GRID2: variants seen among roughly 807,000 people sequenced by gnomAD.
GRID2 encodes the protein glutamate receptor ionotropic, delta-2.
Under a neutral mutation model 114.8 loss-of-function variants are expected in GRID2, and 33 were observed. The ratio of observed to expected loss-of-function variants is 0.29; its 90% CI spans 0.22 to 0.38. The LOEUF (loss-of-function observed/expected upper bound fraction) is 0.38, where lower values mean the gene tolerates loss of function less well. Ranked by LOEUF, GRID2 falls within the 10% of genes least tolerant of loss-of-function variation. GRID2 has a pLI of 1.00. For missense variants in GRID2, 1,184 were observed against 1,257.7 expected, an observed-to-expected ratio of 0.94 and a Z score of 0.89; for synonymous variants, 505 against 449.9, an observed-to-expected ratio of 1.12 and a Z score of -1.55.
intron 14 of GRID2, among the ~76,000 whole-genome samples, chr4:93,633,757 A>T (rs1354276272): frequency 6.6e-6 from 1 of 152,158 alleles, no homozygotes; most frequent in African/African-American, 2.4e-5. Context: ...CCTTCTTTCC[A>T]ACTCCCTGCT....
chr4:92,983,562 ATATAG>A (rs145490507), intron 2 of GRID2, among the ~76,000 whole-genome samples: 3,079 of 152,184 alleles, frequency 0.02, 104 homozygotes, highest in African/African-American at 0.07. Flanking sequence ...TTTTATAAAC[ATATAG>A]TATATGATTA....
In GRID2 at chr4:92,396,560, A is replaced by T. The variant is rs150382475; in HGVS notation, c.88+91816A>T. 2.9e-3 allele frequency among the ~76,000 whole-genome samples: 443 copies of T among 152,096 alleles called. 1 individual carries two copies. Among genetic ancestry groups the T allele is most frequent in the African/African-American group, 0.01 (419 of 41,548 alleles). Reference sequence around the variant, plus strand: ...AGAAGATGTGGCATATACAATGAAGATTATGTCATACCTAGGAGTGAGAGC... The same window carrying T: ...AGAAGATGTGGCATATACAATGAAGTTTATGTCATACCTAGGAGTGAGAGC... On this transcript the variant is annotated intron_variant, in intron 1 of 15. Coordinates refer to ENST00000282020, the MANE Select transcript of GRID2 (RefSeq NM_001510.4).
At chr4:92,351,401 A>T (rs1728064008) in intron 1 of GRID2, among the ~76,000 whole-genome samples, 1 of 151,834 alleles carries the variant, frequency 6.6e-6, no homozygotes, top group African/African-American at 2.4e-5. Context: ...GCACATATTA[A>T]TGGGGTAGAG....
chr4:93,696,814 C>T (rs13132922), intron 14 of GRID2, among the ~76,000 whole-genome samples: 4 of 152,098 alleles, frequency 2.6e-5, no homozygotes, highest in Admixed American at 1.3e-4. Context: ...CCTCTATAAT[C>T]CCAAATTTTG....
intron 1 of GRID2, among the ~76,000 whole-genome samples, chr4:92,444,539 G>A (rs79295435): frequency 1.3e-5 from 2 of 152,134 alleles, no homozygotes; most frequent in African/African-American, 4.8e-5. Context: ...ATCAGTTAAG[G>A]TGGGGCAGGG....
intron 1 of GRID2, among the ~76,000 whole-genome samples, chr4:92,425,782 T>C (rs1490136461): frequency 6.6e-6 from 1 of 152,150 alleles, no homozygotes; most frequent in Admixed American, 6.5e-5. Flanking sequence ...AACTTCTCTG[T>C]ACCTTCATTT....
Position 92,603,122 on chromosome 4 carries a change from T to G in GRID2, c.244+12836T>G, listed in dbSNP as rs551921792. On this transcript the variant is annotated intron_variant, in intron 2 of 15. Coordinates refer to ENST00000282020, the MANE Select transcript of GRID2 (RefSeq NM_001510.4). ...ATCAATATTATGAAAATGGCCATAC[T>G]GCTCAAAGCAATGTATAGATTCAAT... Among the ~76,000 whole-genome samples the G allele has an allele frequency of 6.6e-5, 10 of 152,296 alleles. No homozygotes were observed. The South Asian group carries it at 2.1e-3, about 32-fold the overall frequency.
rs1184283401 is a variant in GRID2 at position 93,433,261 on chromosome 4, T to C, written c.1545+10293T>C. ...GAATATCTACATTGATTCTGAAATA[T>C]ATTAGGAGGTTGGTCAGTTTTTGTG... is the stretch of plus-strand genomic sequence containing the variant. On this transcript the variant is annotated intron_variant, in intron 10 of 15. Coordinates refer to ENST00000282020, the MANE Select transcript of GRID2 (RefSeq NM_001510.4). Among the ~76,000 whole-genome samples, 3 of 152,184 alleles carry C rather than the reference T, an allele frequency of 2.0e-5. No homozygotes were observed. The East Asian group carries it at 5.8e-4, about 29-fold the overall frequency.
intron 8 of GRID2, among the ~76,000 whole-genome samples, chr4:93,280,634 GA>G (rs1752551229): frequency 6.6e-6 from 1 of 151,802 alleles, no homozygotes; most frequent in Admixed American, 6.6e-5. Flanking sequence ...TTGGGTAGGT[GA>G]TTTCTATTTT....
At chr4:92,509,908 G>A (rs571603284) in intron 1 of GRID2, among the ~76,000 whole-genome samples, 3 of 151,848 alleles carry the variant, frequency 2.0e-5, no homozygotes, top group Non-Finnish European at 4.4e-5. Context: ...GCCAAATTAT[G>A]AAAAGCCATG....
At chr4:92,511,074 T>C (rs1448254015) in intron 1 of GRID2, among the ~76,000 whole-genome samples, 2 of 151,826 alleles carry the variant, frequency 1.3e-5, no homozygotes, top group Non-Finnish European at 2.9e-5. Context: ...TACCTGAGGC[T>C]GGGTTATTTA....
At chr4:93,157,150 T>C (rs143835272) in intron 4 of GRID2, among the ~76,000 whole-genome samples, 1 of 151,818 alleles carries the variant, frequency 6.6e-6, no homozygotes, top group East Asian at 1.9e-4. Flanking sequence ...GTGTTCTCAG[T>C]AAGAAGAAAA....
chr4:92,790,283 G>A (rs1433505684), intron 2 of GRID2, among the ~76,000 whole-genome samples: 1 of 151,488 alleles, frequency 6.6e-6, no homozygotes, highest in Admixed American at 6.6e-5. Context: ...TATAAGCTCT[G>A]TAACCTTAGG....
chr4:92,660,068 A>G (rs1199866878), intron 2 of GRID2, among the ~76,000 whole-genome samples: 1 of 151,434 alleles, frequency 6.6e-6, no homozygotes. Flanking sequence ...GAGAATATCC[A>G]CGAAAATATC....
At chr4:92,934,758 G>C (rs1447658115) in intron 2 of GRID2, among the ~76,000 whole-genome samples, 5 of 146,708 alleles carry the variant, frequency 3.4e-5, no homozygotes, top group Non-Finnish European at 7.5e-5. Context: ...TCTGATCTTT[G>C]ACAAACCTGA....
chr4:92,623,715 T>G (rs572479659), intron 2 of GRID2, among the ~76,000 whole-genome samples: 1 of 151,766 alleles, frequency 6.6e-6, no homozygotes, highest in Admixed American at 6.6e-5. Flanking sequence ...CAGTAAAAGC[T>G]GTGGCACCGC....
intron 11 of GRID2, among the ~76,000 whole-genome samples, chr4:93,467,158 A>G (rs903476659): frequency 2.6e-5 from 4 of 152,206 alleles, no homozygotes; most frequent in African/African-American, 9.6e-5. Context: ...TAGTATTCTG[A>G]GTTCAGTTTG....
intron 2 of GRID2, among the ~76,000 whole-genome samples, chr4:92,746,361 TAGAA>T (rs1228623161): frequency 2.0e-5 from 3 of 152,096 alleles, no homozygotes; most frequent in Non-Finnish European, 2.9e-5. Flanking sequence ...TGCAAAGATT[TAGAA>T]AGAAAATTTA....
In GRID2 at chr4:93,278,897, T is replaced by C. The variant is rs60409981; in HGVS notation, c.1245+40407T>C. ...TATTAAAATTGCAAATCAAAATATC[T>C]GCTCCCTTATTAAACCTCTAACGTT... On this transcript the variant is annotated intron_variant, in intron 8 of 15. Transcript: ENST00000282020. 6.5e-3 allele frequency among the ~76,000 whole-genome samples: 993 copies of C among 151,984 alleles called. 10 individuals are homozygous for C. Among genetic ancestry groups the C allele is most frequent in the African/African-American group, 0.023 (949 of 41,498 alleles).
Sources: gnomAD v4.1 joint callset for allele counts (sites outside exome capture counted in the v4.1 genomes callset) on GRCh38, gnomAD v4.1.1 for gene constraint, MANE v1.5 for transcripts, NCBI Gene and HGNC (gene_info 2026-07-23, HGNC 2026-07-21) for gene names.